The following THSD4 variants were observed in gnomAD, a reference collection of about 807,000 sequenced individuals.
THSD4 encodes the protein thrombospondin type-1 domain-containing protein 4.
A neutral mutation model predicts 119.0 loss-of-function variants in THSD4; 69 were observed. That is an observed-to-expected ratio of 0.58 (90% CI 0.48 to 0.71). The LOEUF is 0.71. THSD4 is among the 30% of genes least tolerant of loss of function. THSD4 has a pLI of 0.00. For missense variants in THSD4, 1,393 were observed against 1,391.1 expected (o/e 1.00, Z -0.02); for synonymous variants, 524 against 540.4 (o/e 0.97, Z 0.42).
At chr15:71,724,287 A>ATATATATATATATATATATATTT in intron 8 of THSD4, among the ~76,000 whole-genome samples, 36 of 37,272 alleles carry the variant, frequency 9.7e-4, no homozygotes, top group East Asian at 3.5e-3. Flanking sequence ...ATATATATAT[A>ATATATATATATATATATATATTT]TTTTTTTTTT....
intron 6 of THSD4, among the ~76,000 whole-genome samples, chr15:71,384,759 A>G (rs1056882735): frequency 6.6e-6 from 1 of 152,210 alleles, no homozygotes; most frequent in Non-Finnish European, 1.5e-5. Context: ...ACATAACGGC[A>G]TTGTAATTTT....
intron 4 of THSD4, among the ~76,000 whole-genome samples, chr15:71,227,115 G>A (rs1275430534): frequency 2.0e-5 from 3 of 152,210 alleles, no homozygotes; most frequent in African/African-American, 4.8e-5. Context: ...ATTTCTGCCT[G>A]TAGGTTAGGA....
At chr15:71,135,972 T>C (rs2040547361) in intron 1 of THSD4, among the ~76,000 whole-genome samples, 1 of 150,420 alleles carries the variant, frequency 6.6e-6, no homozygotes, top group Non-Finnish European at 1.5e-5. Context: ...ACAAGTCCTT[T>C]GGTTTTTTGT....
At chr15:71,518,513 A>C (rs930920080) in intron 7 of THSD4, among the ~76,000 whole-genome samples, 1 of 152,188 alleles carries the variant, frequency 6.6e-6, no homozygotes. Context: ...AAGTGACTTT[A>C]ATCTTAGTAA....
At position 71,619,145 on chromosome 15, in the gene THSD4, T is replaced by A. The variant is rs2050375019; in HGVS notation, c.1153-41385T>A. Among the ~76,000 whole-genome samples, 2 of 151,230 alleles carry A rather than the reference T, an allele frequency of 1.3e-5. 1 individual carries two copies. The highest frequency in any genetic ancestry group is 3.0e-5 in the Non-Finnish European group (2 of 67,772). ...CCACCACGCCCGGCTAATTTTTGTA[T>A]TTTTTTAGTGGAGATGGGGTTTCAC... On this transcript the variant is annotated intron_variant, in intron 7 of 17. Coordinates refer to ENST00000261862, the MANE Select transcript of THSD4 (RefSeq NM_024817.3).
chr15:71,609,756 G>A (rs1048401842), intron 7 of THSD4, among the ~76,000 whole-genome samples: 1 of 151,110 alleles, frequency 6.6e-6, no homozygotes, highest in African/African-American at 2.4e-5. Context: ...GGAGGCTGAG[G>A]CAGGAGAATG....
intron 6 of THSD4, among the ~76,000 whole-genome samples, chr15:71,325,370 T>C (rs1278266048): frequency 1.3e-5 from 2 of 152,216 alleles, no homozygotes; most frequent in Non-Finnish European, 1.5e-5. Context: ...CTCTGAGTAC[T>C]TACCCAGTGC....
chr15:71,782,811 C>T lies in THSD4; in HGVS notation c.*5437C>T, dbSNP rs1256422137. ...CATCTTAAATATTATATTTCCTCATCTAATCTGCCTTCCCCTCATCCACAG... is the reference window on the plus strand; with the variant it reads ...CATCTTAAATATTATATTTCCTCATTTAATCTGCCTTCCCCTCATCCACAG... On this transcript the variant is annotated 3_prime_UTR_variant, in exon 18 of 18. Coordinates refer to ENST00000261862, the MANE Select transcript of THSD4 (RefSeq NM_024817.3). 6.6e-6 allele frequency: 1 copy of T among 152,206 alleles called. No individual in the cohort carries two copies. Among genetic ancestry groups the T allele is most frequent in the Non-Finnish European group, 1.5e-5 (1 of 68,044 alleles). 9.4% of individuals were successfully genotyped at this position (152,206 alleles called of 1,614,324 possible). A position where few individuals can be genotyped will look rare whatever the true frequency, so the allele number is the denominator to read the frequency against.
rs555291955 is a variant in THSD4 at position 71,200,987 on chromosome 15, T to C, written c.100-14048T>C. Among the ~76,000 whole-genome samples the C allele has an allele frequency of 4.6e-5, 7 of 152,298 alleles. No individual in the cohort carries two copies. The South Asian group carries it at 1.5e-3, about 32-fold the overall frequency. On this transcript the variant is annotated intron_variant, in intron 3 of 17. Coordinates refer to ENST00000261862, the MANE Select transcript of THSD4 (RefSeq NM_024817.3). ...TGTGCTCACTTATAATCATTCCCAT[T>C]ATACTGAGTTCACAGTAAGACTTAC... is the stretch of plus-strand genomic sequence containing the variant.
At chr15:71,588,100 A>G (rs1018760684) in intron 7 of THSD4, among the ~76,000 whole-genome samples, 1 of 151,776 alleles carries the variant, frequency 6.6e-6, no homozygotes, top group South Asian at 2.1e-4. Context: ...AGGTCAGGAG[A>G]TCGAGACCAT....
At chr15:71,683,296 T>G (rs952524527) in intron 8 of THSD4, among the ~76,000 whole-genome samples, 8 of 151,822 alleles carry the variant, frequency 5.3e-5, no homozygotes, top group Non-Finnish European at 1.2e-4. Flanking sequence ...TTTTGTCATA[T>G]GTAAGGAAAA....
At chr15:71,668,378 G>T (rs1170838907) in intron 8 of THSD4, among the ~76,000 whole-genome samples, 1 of 152,150 alleles carries the variant, frequency 6.6e-6, no homozygotes, top group Non-Finnish European at 1.5e-5. Flanking sequence ...TCACAGCCCA[G>T]GTGTGCAGAG....
intron 6 of THSD4, among the ~76,000 whole-genome samples, chr15:71,370,871 C>T (rs536171674): frequency 1.3e-5 from 2 of 152,268 alleles, no homozygotes; most frequent in East Asian, 1.9e-4. Flanking sequence ...CTGATGTTGA[C>T]AGTGGGGTGT....
At chr15:71,620,789 C>T (rs1326643608) in intron 7 of THSD4, among the ~76,000 whole-genome samples, 2 of 152,116 alleles carry the variant, frequency 1.3e-5, no homozygotes, top group Non-Finnish European at 2.9e-5. Flanking sequence ...AGACTTATTG[C>T]TCTGGTGACC....
rs1476900387 is a variant in THSD4 at position 71,452,996 on chromosome 15, A to G, written c.1152+41173A>G. ...GTGCTCTTATAAGAAAAGACACCAG[A>G]AAGTTTATCTCTGTCTCTGCTCATA... On this transcript the variant is annotated intron_variant, in intron 7 of 17. Transcript: ENST00000261862. Among the ~76,000 whole-genome samples, 4 of 152,322 alleles carry G rather than the reference A, an allele frequency of 2.6e-5. No individual in the cohort carries two copies. In the East Asian group the frequency reaches 7.7e-4, roughly 29 times the overall value.
chr15:71,693,467 T>C (rs2052096878), intron 8 of THSD4, among the ~76,000 whole-genome samples: 1 of 152,176 alleles, frequency 6.6e-6, no homozygotes, highest in African/African-American at 2.4e-5. Flanking sequence ...GTCCACATGA[T>C]GAAACCTGGT....
At chr15:71,157,950 G>T (rs561346499) in intron 3 of THSD4, among the ~76,000 whole-genome samples, 1 of 151,998 alleles carries the variant, frequency 6.6e-6, no homozygotes, top group Non-Finnish European at 1.5e-5. Flanking sequence ...AAACATAGGG[G>T]CACAGATGTT....
At chr15:71,375,250 C>T (rs1269112377) in intron 6 of THSD4, among the ~76,000 whole-genome samples, 1 of 152,160 alleles carries the variant, frequency 6.6e-6, no homozygotes, top group Non-Finnish European at 1.5e-5. Flanking sequence ...TGCATGTGGA[C>T]ACATATGTGT....
chr15:71,591,566 C>T (rs930063547), intron 7 of THSD4, among the ~76,000 whole-genome samples: 2 of 152,130 alleles, frequency 1.3e-5, no homozygotes, highest in Non-Finnish European at 2.9e-5. Flanking sequence ...TGGCAGATGA[C>T]ACTGAAAGGG....
Sources: allele counts gnomAD v4.1 joint callset (sites outside exome capture counted in the v4.1 genomes callset), GRCh38; gene constraint gnomAD v4.1.1; transcripts MANE v1.5; gene names NCBI Gene and HGNC (gene_info 2026-07-23, HGNC 2026-07-21).